Variants in CSMD2 observed in about 807,000 individuals in gnomAD.
CSMD2 encodes the protein CUB and Sushi multiple domains 2.
Under a neutral mutation model 398.5 loss-of-function variants are expected in CSMD2, and 130 were observed. The ratio of observed to expected loss-of-function variants is 0.33; its 90% CI spans 0.28 to 0.38. CSMD2 has a LOEUF of 0.38. Ranked by LOEUF, CSMD2 falls within the 10% of genes least tolerant of loss-of-function variation. The pLI is 1.00. For missense variants in CSMD2, 3,829 were observed against 4,764.9 expected (o/e 0.80, Z 5.78); for synonymous variants, 1,828 against 1,908.5 (o/e 0.96, Z 1.10).
At position 33,578,599 on chromosome 1, in the gene CSMD2, A is replaced by T. The variant is rs552028880; in HGVS notation, c.7388-1115T>A. Among the ~76,000 whole-genome samples the T allele has an allele frequency of 4.0e-4, 61 of 152,288 alleles. No individual in the cohort carries two copies. In the South Asian group the frequency reaches 0.012, roughly 31 times the overall value. On this transcript the variant is annotated intron_variant, in intron 48 of 70. Transcript: ENST00000373381. ...TCTCAAAAAACAAGCAAACAAAAAA[A>T]ACAAAACAAAAAATCCCAGCCTGAA... is the stretch of plus-strand genomic sequence containing the variant.
chr1:34,089,085 T>A lies in CSMD2; in HGVS notation c.296A>T (p.Glu99Val). The A allele has an allele frequency of 9.9e-6, 16 of 1,614,154 alleles. No individual in the cohort carries two copies. Among genetic ancestry groups the A allele is most frequent in the Non-Finnish European group, 1.4e-5 (16 of 1,180,028 alleles). Residue 99 changes from glutamate (E) to valine (V), a missense_variant, in exon 2 of 71, where the codon GAA (glutamate) becomes GTA (valine). Physicochemically the swap from Glu to Val is moderately radical, Grantham distance 121. Transcript: ENST00000373381. ...CACAAGCTGGATTCTGTGCTGCTCT[T>A]CCGCGGTGATGGTCCACGTGCAGTT... The part of the protein sequence containing the change: ...YANCTWTITA[E>V]EQHRIQLVFQ...
intron 10 of CSMD2, among the ~76,000 whole-genome samples, chr1:33,809,743 A>AC (rs1553214861): frequency 2.6e-5 from 4 of 151,804 alleles, no homozygotes; most frequent in East Asian, 3.9e-4. Flanking sequence ...CAACACCATC[A>AC]TTTTTTTGCA....
At chr1:33,724,478 A>C in intron 18 of CSMD2, 38 bp downstream of exon 18, 4 of 1,593,734 alleles carry the variant, frequency 2.5e-6, no homozygotes, top group Non-Finnish European at 3.4e-6. Context: ...GCAGGAGAGG[A>C]GTCTGCTACT....
chr1:33,572,866 T>C lies in CSMD2; in HGVS notation c.7577-175A>G, dbSNP rs1475189961. Among the ~76,000 whole-genome samples, 4 of 37,506 alleles carry C rather than the reference T, an allele frequency of 1.1e-4. No homozygotes were observed. The East Asian group carries it at 2.1e-3, about 19-fold the overall frequency. The allele number at this position is 37,506 out of a possible 152,430, so 24.6% of individuals were successfully genotyped here. On this transcript the variant is annotated intron_variant, in intron 49 of 70. Transcript: ENST00000373381. ...CATCAGCAGAAGAGTTTTTTCTTCT[T>C]TTTTTTTTTAAGTTTGGAAGAAGGA...
chr1:33,950,056 A>G (rs1371107152), intron 3 of CSMD2, among the ~76,000 whole-genome samples: 5 of 151,902 alleles, frequency 3.3e-5, no homozygotes, highest in African/African-American at 9.7e-5. Flanking sequence ...CTCTTGAATT[A>G]CCTTCCTTCC....
At chr1:33,974,957 C>T (rs746525405) in intron 3 of CSMD2, among the ~76,000 whole-genome samples, 3 of 152,178 alleles carry the variant, frequency 2.0e-5, no homozygotes, top group Non-Finnish European at 4.4e-5. Flanking sequence ...ACGGAACAGC[C>T]ACCCTGAGTC....
intron 68 of CSMD2, among the ~76,000 whole-genome samples, chr1:33,520,561 C>T (rs1654174292): frequency 6.6e-6 from 1 of 152,192 alleles, no homozygotes; most frequent in South Asian, 2.1e-4. Context: ...TTGCAGCGTG[C>T]CTGGCCATCT....
At chr1:33,681,082 G>C (rs541884258) in intron 25 of CSMD2, among the ~76,000 whole-genome samples, 1 of 151,862 alleles carries the variant, frequency 6.6e-6, no homozygotes, top group African/African-American at 2.4e-5. Flanking sequence ...ATGCCACCAT[G>C]CCTGGCTAAT....
intron 3 of CSMD2, among the ~76,000 whole-genome samples, chr1:33,948,019 G>A (rs1429178675): frequency 6.6e-6 from 1 of 152,210 alleles, no homozygotes; most frequent in South Asian, 2.1e-4. Context: ...AGAAGTGAAG[G>A]AAGAGTTGGT....
intron 1 of CSMD2, among the ~76,000 whole-genome samples, chr1:34,111,984 CTCTCTCTCT>C (rs2148445296): frequency 1.3e-3 from 1 of 768 alleles, no homozygotes; most frequent in Admixed American, 0.056. Context: ...CTTTCAAATT[CTCTCTCTCT>C]CTCTCTCTCT....
At chr1:33,864,749 C>A (rs777531991) in intron 5 of CSMD2, 3 of 1,597,532 alleles carry the variant, frequency 1.9e-6, no homozygotes, top group Non-Finnish European at 2.6e-6. Flanking sequence ...TCAGGCAGAG[C>A]TGATGGATCC....
At chr1:33,564,235 G>C (rs1173137902) in intron 53 of CSMD2, among the ~76,000 whole-genome samples, 1 of 152,190 alleles carries the variant, frequency 6.6e-6, no homozygotes, top group Non-Finnish European at 1.5e-5. Context: ...ACAAGACTGA[G>C]ACCTAATGAG....
At chr1:33,540,276 AC>A (rs1553133357) in intron 60 of CSMD2, among the ~76,000 whole-genome samples, 27 of 130,700 alleles carry the variant, frequency 2.1e-4, no homozygotes, top group Non-Finnish European at 4.2e-4. Context: ...AAAAAAAAAC[AC>A]CCCCAATATC....
At chr1:33,814,629 A>T (rs1316653598) in intron 9 of CSMD2, among the ~76,000 whole-genome samples, 3 of 152,064 alleles carry the variant, frequency 2.0e-5, no homozygotes, top group African/African-American at 7.2e-5. Flanking sequence ...CAATGGAGAG[A>T]TGTCCCTTGT....
intron 39 of CSMD2, among the ~76,000 whole-genome samples, chr1:33,615,016 G>C (rs907153659): frequency 2.0e-5 from 3 of 152,208 alleles, no homozygotes; most frequent in Non-Finnish European, 2.9e-5. Flanking sequence ...CAAGACTGCA[G>C]AAAAAGGATG....
intron 25 of CSMD2, among the ~76,000 whole-genome samples, chr1:33,671,111 G>A (rs1470209181): frequency 1.3e-5 from 2 of 152,174 alleles, no homozygotes; most frequent in Non-Finnish European, 2.9e-5. Flanking sequence ...CATGAAATGC[G>A]GGTGGCTGAG....
At chr1:33,931,971 T>C (rs1448848894) in intron 4 of CSMD2, among the ~76,000 whole-genome samples, 1 of 152,104 alleles carries the variant, frequency 6.6e-6, no homozygotes, top group Non-Finnish European at 1.5e-5. Flanking sequence ...TGGACCATCA[T>C]CTGAAGAGCA....
At chr1:33,756,314 G>A (rs1478661680) in intron 13 of CSMD2, among the ~76,000 whole-genome samples, 1 of 152,206 alleles carries the variant, frequency 6.6e-6, no homozygotes, top group African/African-American at 2.4e-5. Flanking sequence ...TATTGATGGA[G>A]TGACGGAGCA....
At chr1:33,882,486 T>C (rs576832485) in intron 5 of CSMD2, among the ~76,000 whole-genome samples, 34 of 152,370 alleles carry the variant, frequency 2.2e-4, no homozygotes, top group African/African-American at 8.2e-4. Flanking sequence ...TATCTACCTT[T>C]CTATTGACTG....
Sources: allele counts gnomAD v4.1 joint callset (sites outside exome capture counted in the v4.1 genomes callset), GRCh38; gene constraint gnomAD v4.1.1; transcripts MANE v1.5; gene names NCBI Gene and HGNC (gene_info 2026-07-23, HGNC 2026-07-21).